Variants in CAMK2G observed in about 807,000 individuals in gnomAD.
CAMK2G encodes calcium/calmodulin-dependent protein kinase type II subunit gamma.
Under a neutral mutation model 88.7 loss-of-function variants are expected in CAMK2G, and 23 were observed. That is an observed-to-expected ratio of 0.26 (90% confidence interval 0.19 to 0.37). The LOEUF is 0.37. Ranked by LOEUF, CAMK2G falls within the 10% of genes least tolerant of loss-of-function variation. The pLI is 1.00. For synonymous variants in CAMK2G, 263 were observed against 294.8 expected (o/e 0.89, Z 1.11); for missense variants, 476 against 780.8 (o/e 0.61, Z 4.65).
chr10:73,830,696 T>C (rs184384272), intron 14 of CAMK2G, among the ~76,000 whole-genome samples: 45 of 152,332 alleles, frequency 3.0e-4, no homozygotes, highest in African/African-American at 9.4e-4. Context: ...TGAGAGTTTG[T>C]GGCCTCTTCA....
intron 3 of CAMK2G, among the ~76,000 whole-genome samples, chr10:73,855,787 C>T (rs1232902448): frequency 1.3e-5 from 2 of 152,218 alleles, no homozygotes; most frequent in Non-Finnish European, 2.9e-5. Flanking sequence ...GAGCAAGGCA[C>T]CTGCCAAGAC....
At chr10:73,844,638 G>GA (rs1464550975) in intron 10 of CAMK2G, among the ~76,000 whole-genome samples, 1 of 151,932 alleles carries the variant, frequency 6.6e-6, no homozygotes, top group Non-Finnish European at 1.5e-5. Flanking sequence ...TGAACTCGTG[G>GA]CCTCAAGTGA....
intron 14 of CAMK2G, among the ~76,000 whole-genome samples, chr10:73,835,349 G>A (rs1219846274): frequency 2.0e-5 from 3 of 151,254 alleles, no homozygotes; most frequent in African/African-American, 7.3e-5. Flanking sequence ...GCTGGAGAGT[G>A]CAGTGGCTTG....
At chr10:73,873,569 A>AC (rs1044264895) in intron 1 of CAMK2G, 554 of 986,498 alleles carry the variant, frequency 5.6e-4, no homozygotes, top group Admixed American at 2.9e-3. Context: ...TGAGGCTCAA[A>AC]CCCCCCCACA....
chr10:73,826,156 G>A (rs1040110657), intron 15 of CAMK2G, among the ~76,000 whole-genome samples: 2 of 152,184 alleles, frequency 1.3e-5, no homozygotes, highest in Non-Finnish European at 2.9e-5. Context: ...GTGGTGGGTG[G>A]GCACGGTGGC....
At chr10:73,821,248 A>G (rs909537671) in intron 18 of CAMK2G, among the ~76,000 whole-genome samples, 3 of 152,124 alleles carry the variant, frequency 2.0e-5, no homozygotes. Context: ...GGTGTGAGCC[A>G]GCACTCCTGG....
rs1381656450 is a variant in CAMK2G, at chr10:73,813,644, T to C, written c.*874A>G. On this transcript the variant is annotated 3_prime_UTR_variant, in exon 23 of 23. Coordinates refer to ENST00000423381, the MANE Select transcript of CAMK2G (RefSeq NM_001367534.1). ...GAGCCCTGACCAGGGCCTGGCTCTC[T>C]CCTTGCCAGGTTAGAAGAAAACACG... 1 of 152,956 alleles carries C rather than the reference T, an allele frequency of 6.5e-6. No individual in the cohort carries two copies. Among genetic ancestry groups the C allele is most frequent in the Non-Finnish European group, 1.5e-5 (1 of 68,266 alleles). 9.5% of individuals were successfully genotyped at this position (152,956 alleles called of 1,614,324 possible).
intron 5 of CAMK2G, among the ~76,000 whole-genome samples, 197 bp downstream of exon 5, chr10:73,852,057 G>T (rs2094667722): frequency 6.6e-6 from 1 of 152,144 alleles, no homozygotes; most frequent in African/African-American, 2.4e-5. Context: ...AGGAAGTGCT[G>T]AATTTTTAAC....
chr10:73,863,632 G>A (rs1193840997), intron 2 of CAMK2G, among the ~76,000 whole-genome samples: 4 of 152,200 alleles, frequency 2.6e-5, no homozygotes, highest in Non-Finnish European at 4.4e-5. Context: ...CTGAGGGAAG[G>A]CCCAGAAGAT....
chr10:73,844,827 C>T (rs1282802726), intron 10 of CAMK2G, among the ~76,000 whole-genome samples: 1 of 152,214 alleles, frequency 6.6e-6, no homozygotes, highest in East Asian at 1.9e-4. Flanking sequence ...TTTCATCTTT[C>T]TCTCCACTGT....
chr10:73,869,814 T>C (rs1439547395), intron 2 of CAMK2G, among the ~76,000 whole-genome samples: 1 of 152,262 alleles, frequency 6.6e-6, no homozygotes, highest in Non-Finnish European at 1.5e-5. Flanking sequence ...AAAACACTGT[T>C]TCCGGTAGCA....
chr10:73,823,978 G>T, intron 17 of CAMK2G, 62 bp downstream of exon 17: 1 of 1,349,640 alleles, frequency 7.4e-7, no homozygotes, highest in Non-Finnish European at 1.1e-6. Context: ...AGACCCCTGG[G>T]ACCCAGCCCA....
chr10:73,847,610 C>T (rs1283038671), intron 9 of CAMK2G, among the ~76,000 whole-genome samples: 4 of 152,134 alleles, frequency 2.6e-5, no homozygotes, highest in Non-Finnish European at 4.4e-5. Context: ...CTGGTTTAAG[C>T]CCAGCTCTAT....
rs903483768 is a variant in CAMK2G at position 73,848,798 on chromosome 10, C to A, written c.518-189G>T. ...TGGAATCTGAACCAGACGGCAAAGC[C>A]GTATGCCTACCAGGAACTCCAGCTC... On this transcript the variant is annotated intron_variant, in intron 7 of 22. Coordinates refer to ENST00000423381, the MANE Select transcript of CAMK2G (RefSeq NM_001367534.1). The surrounding 1 kb of genome is among the most constrained non-coding windows in gnomAD (Gnocchi z 4.5). Among the ~76,000 whole-genome samples, 7 of 152,224 alleles carry A rather than the reference C, an allele frequency of 4.6e-5. No homozygotes were observed. The highest frequency in any genetic ancestry group is 1.7e-4 in the African/African-American group (7 of 41,450).
At chr10:73,850,954 C>A (rs1193779412) in intron 5 of CAMK2G, among the ~76,000 whole-genome samples, 1 of 152,224 alleles carries the variant, frequency 6.6e-6, no homozygotes, top group Non-Finnish European at 1.5e-5. Context: ...CAGAGCCAGG[C>A]CAAGCCCACT....
intron 12 of CAMK2G, among the ~76,000 whole-genome samples, chr10:73,841,323 G>A (rs1054356482): frequency 3.9e-5 from 6 of 152,284 alleles, no homozygotes; most frequent in African/African-American, 7.2e-5. Context: ...AGAAGGGGGG[G>A]TCTTGAACCA....
chr10:73,828,824 A>C (rs959428707), intron 14 of CAMK2G, among the ~76,000 whole-genome samples: 143 of 152,210 alleles, frequency 9.4e-4, no homozygotes, highest in African/African-American at 3.3e-3. Context: ...AGCCACAGGG[A>C]ATGTTGAAAG....
chr10:73,820,359 C>A (rs2087537039), intron 18 of CAMK2G, among the ~76,000 whole-genome samples: 1 of 151,082 alleles, frequency 6.6e-6, no homozygotes, highest in Non-Finnish European at 1.5e-5. Context: ...CCAAATGTGG[C>A]CTCACGGTTG....
At chr10:73,823,063 T>C (rs528812945) in intron 17 of CAMK2G, among the ~76,000 whole-genome samples, 2 of 152,222 alleles carry the variant, frequency 1.3e-5, no homozygotes, top group South Asian at 2.1e-4. Context: ...GGTTTTGCCA[T>C]GTTGGCCAGG....
Sources: allele counts gnomAD v4.1 joint callset (sites outside exome capture counted in the v4.1 genomes callset), GRCh38; gene constraint gnomAD v4.1.1; non-coding constraint Gnocchi (gnomAD v3.1); transcripts MANE v1.5; gene names NCBI Gene and HGNC (gene_info 2026-07-23, HGNC 2026-07-21).